Variants in IPCEF1 observed in about 807,000 individuals in gnomAD.
IPCEF1 encodes the protein interactor protein for cytohesin exchange factors 1.
Under a neutral mutation model 50.9 loss-of-function variants are expected in IPCEF1, and 31 were observed. The observed-to-expected ratio is 0.61, with a 90% CI of 0.46 to 0.82. The LOEUF (loss-of-function observed/expected upper bound fraction) is 0.82. Ranked by LOEUF, IPCEF1 falls within the 40% of genes least tolerant of loss-of-function variation. The pLI, the probability that IPCEF1 is intolerant of heterozygous loss-of-function variation, is 0.00. For synonymous variants in IPCEF1, 181 were observed against 192.0 expected (o/e 0.94, Z 0.47); for missense variants, 458 against 514.0 (o/e 0.89, Z 1.05).
At chr6:154,282,840 A>T (rs548787588) in intron 2 of IPCEF1, among the ~76,000 whole-genome samples, 12 of 152,352 alleles carry the variant, frequency 7.9e-5, no homozygotes, top group Admixed American at 7.8e-4. Flanking sequence ...GGTGTCAGCC[A>T]TGAACGCTCT....
chr6:154,193,444 C>A (rs1422200192), intron 10 of IPCEF1, among the ~76,000 whole-genome samples: 2 of 152,164 alleles, frequency 1.3e-5, no homozygotes, highest in Non-Finnish European at 2.9e-5. Flanking sequence ...GAAATCACCA[C>A]TGAAGAACTC....
At chr6:154,179,914 C>T (rs182493718) in intron 10 of IPCEF1, among the ~76,000 whole-genome samples, 4 of 152,012 alleles carry the variant, frequency 2.6e-5, no homozygotes, top group African/African-American at 4.8e-5. Flanking sequence ...GGGATTGTGC[C>T]GAGATTGTAA....
intron 5 of IPCEF1, among the ~76,000 whole-genome samples, chr6:154,241,887 C>G (rs1279135805): frequency 2.0e-5 from 3 of 152,230 alleles, no homozygotes; most frequent in Non-Finnish European, 4.4e-5. Flanking sequence ...CCCCCATTCA[C>G]TGGCCCTAAG....
intron 1 of IPCEF1, among the ~76,000 whole-genome samples, chr6:154,302,238 G>A (rs985877620): frequency 2.6e-5 from 4 of 152,126 alleles, no homozygotes; most frequent in African/African-American, 7.2e-5. Flanking sequence ...TATAGACCTT[G>A]ACTCCACAAA....
chr6:154,168,203 C>A lies in IPCEF1; in HGVS notation c.911-90G>T. ...CAATACTGTGGTCCCAAGGCACGGC[C>A]CCACTGGCACCCTCATCTCAGACTT... On this transcript the variant is annotated intron_variant, in intron 10 of 11. Coordinates refer to ENST00000367220, the MANE Select transcript of IPCEF1 (RefSeq NM_001130700.2). This position sits in a 1 kb window ranked among gnomAD's most constrained non-coding sequence, Gnocchi z 4.1. The A allele has an allele frequency of 1.2e-6, 1 of 854,924 alleles. No individual in the cohort carries two copies. Among genetic ancestry groups the A allele is most frequent in the South Asian group, 2.4e-5 (1 of 42,422 alleles). 53.0% of individuals were successfully genotyped at this position (854,924 alleles called of 1,614,324 possible). A position where few individuals can be genotyped will look rare whatever the true frequency, so the allele number is the denominator to read the frequency against.
intron 1 of IPCEF1, among the ~76,000 whole-genome samples, chr6:154,352,261 G>C (rs1562299434): frequency 6.6e-6 from 1 of 152,330 alleles, no homozygotes; most frequent in East Asian, 1.9e-4. Context: ...TAATATCATT[G>C]GTTTTTTATT....
At chr6:154,350,507 A>G (rs1410932072) in intron 1 of IPCEF1, among the ~76,000 whole-genome samples, 1 of 152,252 alleles carries the variant, frequency 6.6e-6, no homozygotes, top group Non-Finnish European at 1.5e-5. Context: ...CCAATGCCAC[A>G]AGTTAACTTC....
At chr6:154,176,696 C>T (rs1055936313) in intron 10 of IPCEF1, among the ~76,000 whole-genome samples, 3 of 152,180 alleles carry the variant, frequency 2.0e-5, no homozygotes, top group African/African-American at 7.2e-5. Context: ...AAGAACATTC[C>T]ATGCTCATGG....
At chr6:154,352,175 A>G (rs776302778) in intron 1 of IPCEF1, among the ~76,000 whole-genome samples, 2 of 152,260 alleles carry the variant, frequency 1.3e-5, no homozygotes, top group Non-Finnish European at 2.9e-5. Flanking sequence ...TTGTAAATGT[A>G]ACTAAATGTA....
intron 1 of IPCEF1, among the ~76,000 whole-genome samples, chr6:154,328,213 T>C (rs1359058191): frequency 6.6e-6 from 1 of 152,128 alleles, no homozygotes; most frequent in East Asian, 1.9e-4. Context: ...CGTGCACCCC[T>C]GAACTTAAAA....
At chr6:154,295,872 C>T (rs1213374867) in intron 1 of IPCEF1, among the ~76,000 whole-genome samples, 1 of 135,212 alleles carries the variant, frequency 7.4e-6, no homozygotes, top group Non-Finnish European at 1.5e-5. Flanking sequence ...CACACGCACA[C>T]ACACACACAC....
intron 1 of IPCEF1, among the ~76,000 whole-genome samples, chr6:154,330,564 T>A (rs1037008627): frequency 2.0e-5 from 3 of 152,030 alleles, no homozygotes; most frequent in African/African-American, 7.2e-5. Flanking sequence ...GCTCAAGCGA[T>A]CCACCCGCCT....
At chr6:154,337,725 T>C (rs1023766825) in intron 1 of IPCEF1, among the ~76,000 whole-genome samples, 1 of 152,196 alleles carries the variant, frequency 6.6e-6, no homozygotes, top group African/African-American at 2.4e-5. Flanking sequence ...AACAAAGCTA[T>C]TTTCACCTAA....
chr6:154,354,494 T>TCTCCTCCACCAC (rs1784179745), intron 1 of IPCEF1, among the ~76,000 whole-genome samples: 8 of 25,764 alleles, frequency 3.1e-4, no homozygotes, highest in East Asian at 6.7e-4. Flanking sequence ...ATCTCTACCG[T>TCTCCTCCACCAC]CACTTCCACC....
intron 3 of IPCEF1, among the ~76,000 whole-genome samples, chr6:154,262,706 A>G (rs1032187674): frequency 4.1e-5 from 6 of 145,246 alleles, no homozygotes; most frequent in African/African-American, 1.5e-4. Context: ...AGGATCCAAC[A>G]ATCCTAATCC....
At chr6:154,240,141 G>A (rs1293706961) in intron 5 of IPCEF1, among the ~76,000 whole-genome samples, 1 of 152,162 alleles carries the variant, frequency 6.6e-6, no homozygotes, top group Non-Finnish European at 1.5e-5. Context: ...GAACACATCA[G>A]TGTTCAATAA....
At chr6:154,324,521 T>C (rs1198166465) in intron 1 of IPCEF1, among the ~76,000 whole-genome samples, 2 of 152,006 alleles carry the variant, frequency 1.3e-5, no homozygotes, top group African/African-American at 2.4e-5. Flanking sequence ...CTACACAATA[T>C]ACAAGACCAG....
chr6:154,345,435 G>A (rs965164733), intron 1 of IPCEF1, among the ~76,000 whole-genome samples: 2 of 152,082 alleles, frequency 1.3e-5, no homozygotes, highest in Admixed American at 6.5e-5. Flanking sequence ...AAAATCACAT[G>A]GCGATCAGAG....
intron 1 of IPCEF1, among the ~76,000 whole-genome samples, chr6:154,341,774 A>T (rs554864360): frequency 6.6e-6 from 1 of 152,198 alleles, no homozygotes; most frequent in South Asian, 2.1e-4. Flanking sequence ...ACCTTTACAG[A>T]TTGTGTGGAT....
Sources: gnomAD v4.1 joint callset for allele counts (sites outside exome capture counted in the v4.1 genomes callset) on GRCh38, gnomAD v4.1.1 for gene constraint, Gnocchi (gnomAD v3.1) non-coding constraint, MANE v1.5 for transcripts, NCBI Gene and HGNC (gene_info 2026-07-23, HGNC 2026-07-21) for gene names.